The following NLRP3 variants were observed in gnomAD, a reference collection of about 807,000 sequenced individuals.
The protein encoded by NLRP3 is NACHT, LRR and PYD domains-containing protein 3.
NLRP3 carries 48 observed loss-of-function variants against 91.3 expected under a neutral mutation model. The ratio of observed to expected loss-of-function variants is 0.53; its 90% CI spans 0.42 to 0.67. The LOEUF (loss-of-function observed/expected upper bound fraction) is 0.67. Among genes scored for constraint, NLRP3 ranks in the 30% least tolerant of loss-of-function variants. The pLI is 0.00. For synonymous variants in NLRP3, 561 were observed against 507.9 expected (o/e 1.10, Z -1.41); for missense variants, 982 against 1,276.9 (o/e 0.77, Z 3.52).
intron 9 of NLRP3, among the ~76,000 whole-genome samples, chr1:247,445,568 C>T (rs1664532800): frequency 2.0e-5 from 3 of 152,110 alleles, no homozygotes; most frequent in East Asian, 3.9e-4. Flanking sequence ...ACACGAAATT[C>T]GACAGTGTGT....
rs1408232607 is a variant in NLRP3 at position 247,444,718 on chromosome 1, A to G, written c.2902A>G (p.Ser968Gly). Residue 968 changes from serine (S) to glycine (G), a missense_variant, in exon 9 of 10, where the codon AGC becomes GGC. By Grantham distance (56) the Ser-to-Gly change is moderately conservative. Coordinates refer to ENST00000336119, the MANE Select transcript of NLRP3 (RefSeq NM_001243133.2). Reference sequence around the variant, plus strand: ...TTCCACACTTCTGACCTCCAGCCAGAGCCTGCGAAAGCTGAGCCTGGGCAA... The same window carrying G: ...TTCCACACTTCTGACCTCCAGCCAGGGCCTGCGAAAGCTGAGCCTGGGCAA... ...DLSTLLTSSQ[S>G]LRKLSLGNND... 7.4e-6 allele frequency: 12 copies of G among 1,614,020 alleles called. No homozygotes were observed. The highest frequency in any genetic ancestry group is 8.5e-6 in the Non-Finnish European group (10 of 1,180,038).
chr1:247,431,840 G>C (rs1663355240), intron 5 of NLRP3, among the ~76,000 whole-genome samples: 2 of 152,194 alleles, frequency 1.3e-5, no homozygotes, highest in African/African-American at 4.8e-5. Flanking sequence ...GGGGGCGCAA[G>C]AGCAGCTTTG....
Position 247,448,582 on chromosome 1 carries a change from T to A in NLRP3, c.*78T>A. 1.1e-6 allele frequency: 1 copy of A among 871,094 alleles called. No individual in the cohort carries two copies. Among genetic ancestry groups the A allele is most frequent in the Non-Finnish European group, 2.0e-6 (1 of 504,174 alleles). 54.0% of individuals were successfully genotyped at this position (871,094 alleles called of 1,614,324 possible). On this transcript the variant is annotated 3_prime_UTR_variant, in exon 10 of 10. Transcript: ENST00000336119. ...GGCCCTCAGGTGGAGAGAGCTGCGA[T>A]CCATCCAGGCCAAGACCACAGCTCT...
At chr1:247,423,770 A>T in intron 3 of NLRP3, 77 bp from the exon 4 acceptor site, 15 of 1,335,876 alleles carry the variant, frequency 1.1e-5, no homozygotes, top group Non-Finnish European at 1.5e-5. Context: ...CTCGCTTCCG[A>T]TGACAGGCCC....
At chr1:247,448,297 T>C (rs1358563101) in intron 9 of NLRP3, 108 bp from the exon 10 acceptor site, 2 of 650,950 alleles carry the variant, frequency 3.1e-6, no homozygotes, top group African/African-American at 3.9e-5. Context: ...TTTTACATTT[T>C]AGAAGTGTGT....
rs1204184551 is a variant in NLRP3 at position 247,448,749 on chromosome 1, CAGTT to C, written c.*248_*251del. 3 of 551,552 alleles carry C rather than the reference CAGTT, an allele frequency of 5.4e-6. No homozygotes were observed. The highest frequency in any genetic ancestry group is 3.1e-5 in the Admixed American group (1 of 32,658). The allele number at this position is 551,552 out of a possible 1,614,324, so 34.2% of individuals were successfully genotyped here. On this transcript the variant is annotated 3_prime_UTR_variant, in exon 10 of 10. Coordinates refer to ENST00000336119, the MANE Select transcript of NLRP3 (RefSeq NM_001243133.2). ...GGGTGTTGTTGTCATCACAGCGCCT[CAGTT>C]AGAGGATGTTCCTCTTGGTGACCTC... is the stretch of plus-strand genomic sequence containing the variant.
At position 247,435,957 on chromosome 1, in the gene NLRP3, A is replaced by G. The variant is rs747296734; in HGVS notation, c.2493-13A>G. On this transcript the variant is annotated splice_polypyrimidine_tract_variant and intron_variant, in intron 6 of 9. Coordinates refer to ENST00000336119, the MANE Select transcript of NLRP3 (RefSeq NM_001243133.2). ...TGAGAGACATGACTGACATTCTGCC[A>G]TCTCTATGGAAGGTTGGTCAGCTGC... The G allele has an allele frequency of 3.0e-5, 49 of 1,613,376 alleles. No homozygotes were observed. Among genetic ancestry groups the G allele is most frequent in the Middle Eastern group, 1.8e-4 (1 of 5,640 alleles).
chr1:247,425,684 C>A lies in NLRP3; in HGVS notation c.2150+85C>A. ...CTTGCCTCCTCTCATCTCTTTTCAA[C>A]TATCTTCCAAATACTGTTGCCACAG... is the stretch of plus-strand genomic sequence containing the variant. On this transcript the variant is annotated intron_variant, in intron 4 of 9. Transcript: ENST00000336119. The surrounding 1 kb of genome is among the most constrained non-coding windows in gnomAD (Gnocchi z 4.1). 1 of 1,272,718 alleles carries A rather than the reference C, an allele frequency of 7.9e-7. No individual in the cohort carries two copies. Among genetic ancestry groups the A allele is most frequent in the East Asian group, 2.3e-5 (1 of 42,620 alleles). The allele number at this position is 1,272,718 out of a possible 1,614,324, so 78.8% of individuals were successfully genotyped here.
intron 2 of NLRP3, 80 bp downstream of exon 2, chr1:247,419,157 TATATA>T (rs761181740): frequency 3.5e-4 from 323 of 932,632 alleles, no homozygotes; most frequent in Middle Eastern, 7.3e-4. Context: ...TATATATATA[TATATA>T]TATTTTTTTT....
At chr1:247,443,482 T>C (rs1664371061) in intron 7 of NLRP3, among the ~76,000 whole-genome samples, 1 of 151,462 alleles carries the variant, frequency 6.6e-6, no homozygotes, top group Non-Finnish European at 1.5e-5. Context: ...AAGGTCACAA[T>C]GGACGTTCAC....
At chr1:247,433,389 C>T (rs951857398) in intron 5 of NLRP3, among the ~76,000 whole-genome samples, 3 of 152,134 alleles carry the variant, frequency 2.0e-5, no homozygotes, top group Admixed American at 6.5e-5. Flanking sequence ...GTTAGGAACA[C>T]GAGGGAAGGA....
chr1:247,425,037 A>C lies in NLRP3; in HGVS notation c.1588A>C (p.Met530Leu). Residue 530 changes from methionine (M) to leucine (L), a missense_variant, in exon 4 of 10, where the codon ATG (methionine) becomes CTG (leucine). By Grantham distance (15) the Met-to-Leu change is conservative. This residue lies in a region of NLRP3 where 548 missense variants were observed against 713.7 expected (regional missense o/e 0.77). Coordinates refer to ENST00000336119, the MANE Select transcript of NLRP3 (RefSeq NM_001243133.2). This position sits in a 1 kb window ranked among gnomAD's most constrained non-coding sequence, Gnocchi z 4.1. ...HMTFQEFFAA[M>L]YYLLEEEKEG... ...GACTTTCCAGGAGTTCTTTGCCGCCATGTACTACCTGCTGGAAGAGGAAAA... is the reference window on the plus strand; with the variant it reads ...GACTTTCCAGGAGTTCTTTGCCGCCCTGTACTACCTGCTGGAAGAGGAAAA... The C allele has an allele frequency of 6.2e-7, 1 of 1,614,210 alleles. No homozygotes were observed.
chr1:247,441,622 C>T (rs1664245326), intron 7 of NLRP3, among the ~76,000 whole-genome samples: 1 of 151,992 alleles, frequency 6.6e-6, no homozygotes, highest in Non-Finnish European at 1.5e-5. Context: ...GGCAAGATAT[C>T]CGTGCTTGGT....
intron 7 of NLRP3, 156 bp from the exon 8 acceptor site, chr1:247,443,816 G>A (rs1025376747): frequency 5.6e-6 from 4 of 713,892 alleles, no homozygotes; most frequent in Non-Finnish European, 1.0e-5. Flanking sequence ...GAGACAGCAG[G>A]TCTTGCTCTC....
At chr1:247,443,276 C>A (rs1189944243) in intron 7 of NLRP3, among the ~76,000 whole-genome samples, 5 of 152,060 alleles carry the variant, frequency 3.3e-5, no homozygotes, top group African/African-American at 1.2e-4. Flanking sequence ...GTCACCCAGG[C>A]TAGAGTGTGG....
intron 2 of NLRP3, among the ~76,000 whole-genome samples, chr1:247,420,089 C>CT (rs1558186726): frequency 6.6e-6 from 1 of 152,044 alleles, no homozygotes; most frequent in African/African-American, 2.4e-5. Flanking sequence ...TTTATTTTTT[C>CT]TTTTTTATAG....
At chr1:247,448,380 C>G in intron 9 of NLRP3, 25 bp from the exon 10 acceptor site, 1 of 1,352,104 alleles carries the variant, frequency 7.4e-7, no homozygotes, top group Admixed American at 1.7e-5. Flanking sequence ...AGAGTGCAAC[C>G]CAGGCTTTCT....
chr1:247,444,885 A>T (rs1349575209), intron 9 of NLRP3, 64 bp downstream of exon 9: 3 of 1,555,138 alleles, frequency 1.9e-6, no homozygotes, highest in East Asian at 2.3e-5. Context: ...GTTGACTGTT[A>T]TCAAAATCCA....
chr1:247,436,168 A>G, intron 7 of NLRP3, 28 bp downstream of exon 7: 1 of 1,611,316 alleles, frequency 6.2e-7, no homozygotes, highest in Non-Finnish European at 8.5e-7. Flanking sequence ...TCTTACCAGA[A>G]AAGTAACTTC....
Sources: gnomAD v4.1 joint callset for allele counts (sites outside exome capture counted in the v4.1 genomes callset) on GRCh38, gnomAD v4.1.1 for gene constraint, gnomAD v4.1.1 regional missense constraint, Gnocchi (gnomAD v3.1) non-coding constraint, MANE v1.5 for transcripts, NCBI Gene and HGNC (gene_info 2026-07-23, HGNC 2026-07-21) for gene names.